Variants in PALM2AKAP2 observed in about 807,000 individuals in gnomAD.
The protein encoded by PALM2AKAP2 is PALM2-AKAP2 fusion protein.
A neutral mutation model predicts 71.5 loss-of-function variants in PALM2AKAP2; 37 were observed. The observed-to-expected ratio is 0.52, with a 90% CI of 0.40 to 0.68. The LOEUF (loss-of-function observed/expected upper bound fraction) is 0.68, where lower values mean the gene tolerates loss of function less well. Among genes scored for constraint, PALM2AKAP2 ranks in the 30% least tolerant of loss-of-function variants. PALM2AKAP2 has a pLI of 0.00. For missense variants in PALM2AKAP2, 1,224 were observed against 1,191.8 expected (o/e 1.03, Z -0.40); for synonymous variants, 468 against 478.8 (o/e 0.98, Z 0.29).
At chr9:109,644,730 A>G (rs1377095589) in intron 1 of PALM2AKAP2, among the ~76,000 whole-genome samples, 1 of 152,018 alleles carries the variant, frequency 6.6e-6, no homozygotes, top group Non-Finnish European at 1.5e-5. Context: ...GATGCCCTAA[A>G]TCATCTCTCT....
rs150942594 is a variant in PALM2AKAP2, at chr9:109,982,490, A to G, written c.497-33464A>G. ...TGTTTGTAACACAAAGAAAGGACAA[A>G]TGGATAAATGCTTGAGGTGATGGAT... On this transcript the variant is annotated intron_variant, in intron 6 of 9. Coordinates refer to the PALM2AKAP2 transcript ENST00000302798. 3.5e-3 allele frequency among the ~76,000 whole-genome samples: 535 copies of G among 152,350 alleles called. 7 individuals carry two copies. Among genetic ancestry groups the G allele is most frequent in the East Asian group, 0.014 (73 of 5,196 alleles).
intron 3 of PALM2AKAP2, among the ~76,000 whole-genome samples, chr9:110,158,841 G>C (rs973861673): frequency 6.6e-6 from 1 of 152,144 alleles, no homozygotes; most frequent in African/African-American, 2.4e-5. Context: ...TTAGGATCAG[G>C]ACAAAATCTA....
intron 1 of PALM2AKAP2, among the ~76,000 whole-genome samples, chr9:110,121,361 G>T (rs1245881649): frequency 6.6e-6 from 1 of 152,216 alleles, no homozygotes; most frequent in East Asian, 1.9e-4. Flanking sequence ...TAAGGAGGGA[G>T]AGGACAAGAC....
In PALM2AKAP2 at chr9:110,011,014, A is replaced by AATATATATAT. The variant is rs1554737804; in HGVS notation, c.497-4926_497-4917dup. Reference sequence around the variant, plus strand: ...TCTGTCTCAAAAAAAAAAAAAAAAAAATATATATATATATATATATATACT... The same window carrying AATATATATAT: ...TCTGTCTCAAAAAAAAAAAAAAAAAAATATATATATATATATATATATATATATATATACT... On this transcript the variant is annotated intron_variant, in intron 6 of 9. Transcript: ENST00000302798. 7.6e-3 allele frequency among the ~76,000 whole-genome samples: 529 copies of AATATATATAT among 69,284 alleles called. 10 individuals are homozygous for AATATATATAT. Among genetic ancestry groups the AATATATATAT allele is most frequent in the Middle Eastern group, 0.025 (2 of 80 alleles). 45.5% of individuals were successfully genotyped at this position (69,284 alleles called of 152,430 possible). A position where few individuals can be genotyped will look rare whatever the true frequency, so the allele number is the denominator to read the frequency against.
At chr9:109,854,992 T>C (rs929623174) in intron 1 of PALM2AKAP2, among the ~76,000 whole-genome samples, 1 of 151,984 alleles carries the variant, frequency 6.6e-6, no homozygotes, top group African/African-American at 2.4e-5. Flanking sequence ...ATGGTCTTCA[T>C]CTCCAGACCT....
chr9:109,909,900 A>G (rs1001170016), intron 3 of PALM2AKAP2, among the ~76,000 whole-genome samples: 2 of 152,144 alleles, frequency 1.3e-5, no homozygotes, highest in African/African-American at 4.8e-5. Context: ...TGTCATATCC[A>G]TGAGCTTTAG....
intron 6 of PALM2AKAP2, among the ~76,000 whole-genome samples, chr9:109,935,740 A>C (rs189265926): frequency 6.6e-6 from 1 of 152,158 alleles, no homozygotes; most frequent in Non-Finnish European, 1.5e-5. Context: ...AGCTTCCAGC[A>C]CCTTTCCTGA....
chr9:110,131,539 C>T (rs908437947), intron 1 of PALM2AKAP2, among the ~76,000 whole-genome samples: 4 of 152,314 alleles, frequency 2.6e-5, no homozygotes, highest in Middle Eastern at 3.4e-3. Context: ...AACAAGACAT[C>T]ATCTGATGAT....
intron 1 of PALM2AKAP2, among the ~76,000 whole-genome samples, chr9:110,081,481 T>TCA (rs1834447625): frequency 6.6e-6 from 1 of 152,208 alleles, no homozygotes; most frequent in Non-Finnish European, 1.5e-5. Context: ...TAGTGGATTA[T>TCA]GTTCTTAAAA....
intron 6 of PALM2AKAP2, chr9:109,942,543 G>A: frequency 1.2e-6 from 1 of 831,622 alleles, no homozygotes; most frequent in Non-Finnish European, 1.8e-6. Flanking sequence ...TATTCACAGT[G>A]CGCACCTCAC....
At chr9:110,051,557 A>G (rs995698428) in intron 1 of PALM2AKAP2, among the ~76,000 whole-genome samples, 9 of 152,186 alleles carry the variant, frequency 5.9e-5, no homozygotes, top group African/African-American at 1.9e-4. Context: ...TCTGCTTATT[A>G]AGGTAATGAG....
exon 2 of PALM2AKAP2, chr9:110,137,747 G>A (rs374775759): frequency 1.9e-6 from 3 of 1,614,126 alleles, no homozygotes; most frequent in Non-Finnish European, 2.5e-6. Context: ...CAGTGACAGC[G>A]GGGCATCCAA....
At chr9:109,736,854 TC>T (rs1828644181) in intron 1 of PALM2AKAP2, among the ~76,000 whole-genome samples, 1 of 152,126 alleles carries the variant, frequency 6.6e-6, no homozygotes, top group Non-Finnish European at 1.5e-5. Context: ...AAGCATCTCT[TC>T]CCATGATTAC....
At chr9:109,647,927 T>G (rs1663064154) in intron 1 of PALM2AKAP2, among the ~76,000 whole-genome samples, 1 of 152,346 alleles carries the variant, frequency 6.6e-6, no homozygotes, top group African/African-American at 2.4e-5. Flanking sequence ...TACCATTTGT[T>G]GCAGTTATAG....
chr9:109,820,365 T>C (rs1328679192), intron 1 of PALM2AKAP2, among the ~76,000 whole-genome samples: 5 of 152,192 alleles, frequency 3.3e-5, no homozygotes, highest in East Asian at 1.9e-4. Context: ...TGTCCCCTCA[T>C]GTATGTCTGT....
At chr9:109,899,049 G>A (rs987021746) in intron 3 of PALM2AKAP2, among the ~76,000 whole-genome samples, 1 of 152,060 alleles carries the variant, frequency 6.6e-6, no homozygotes, top group Non-Finnish European at 1.5e-5. Context: ...GAGTGACATT[G>A]TCTGTTCCCA....
intron 6 of PALM2AKAP2, among the ~76,000 whole-genome samples, chr9:110,013,396 CT>C (rs1473586176): frequency 7.2e-5 from 11 of 152,310 alleles, no homozygotes; most frequent in African/African-American, 2.4e-4. Context: ...ACATCTGTGT[CT>C]CTCTGCCAGC....
At chr9:109,948,979 G>T (rs1343745682) in intron 6 of PALM2AKAP2, among the ~76,000 whole-genome samples, 1 of 152,180 alleles carries the variant, frequency 6.6e-6, no homozygotes, top group Non-Finnish European at 1.5e-5. Flanking sequence ...AACGCAGGTT[G>T]TATTCCAAAG....
chr9:109,765,465 CATGATCATG>C (rs953616740), intron 1 of PALM2AKAP2: 8 of 52,914 alleles, frequency 1.5e-4, no homozygotes, highest in African/African-American at 2.1e-4. Flanking sequence ...TCATCATGAT[CATGATCATG>C]ATCATCATCA....
Sources: allele counts gnomAD v4.1 joint callset (sites outside exome capture counted in the v4.1 genomes callset), GRCh38; gene constraint gnomAD v4.1.1; transcripts MANE v1.5; gene names NCBI Gene and HGNC (gene_info 2026-07-23, HGNC 2026-07-21).